Variants in ASAP2 observed in about 807,000 individuals in gnomAD.
The protein encoded by ASAP2 is ArfGAP with SH3 domain, ankyrin repeat and PH domain 2, also known as arf-GAP with SH3 domain, ANK repeat and PH domain-containing protein 2.
In ASAP2, 45 loss-of-function variants were observed where a neutral mutation model predicts 131.4. The ratio of observed to expected loss-of-function variants is 0.34; its 90% CI spans 0.27 to 0.44. The LOEUF (loss-of-function observed/expected upper bound fraction) is 0.44. Ranked by LOEUF, ASAP2 falls within the 20% of genes least tolerant of loss-of-function variation. The pLI is 1.00. For missense variants in ASAP2, 1,011 were observed against 1,297.0 expected, an observed-to-expected ratio of 0.78 and a Z score of 3.39; for synonymous variants, 510 against 503.0, an observed-to-expected ratio of 1.01 and a Z score of -0.19.
intron 3 of ASAP2, among the ~76,000 whole-genome samples, chr2:9,302,232 G>T (rs1346984817): frequency 2.7e-5 from 4 of 148,314 alleles, no homozygotes; most frequent in Non-Finnish European, 5.9e-5. Flanking sequence ...GAGCGCAGTG[G>T]TGCAGTCTTG....
chr2:9,269,119 G>A (rs1666158550), intron 1 of ASAP2, among the ~76,000 whole-genome samples: 1 of 152,074 alleles, frequency 6.6e-6, no homozygotes, highest in Admixed American at 6.6e-5. Context: ...AAGGCGGTAT[G>A]TAGGTACTTA....
chr2:9,323,011 C>T (rs754109461), intron 5 of ASAP2, 110 bp from the exon 6 acceptor site: 118 of 1,336,118 alleles, frequency 8.8e-5, no homozygotes, highest in Non-Finnish European at 1.2e-4. Flanking sequence ...TGTGCTGAAA[C>T]GTGTGGTGAG....
At chr2:9,381,609 GC>G (rs1674848072) in intron 20 of ASAP2, among the ~76,000 whole-genome samples, 1 of 152,214 alleles carries the variant, frequency 6.6e-6, no homozygotes, top group South Asian at 2.1e-4. Context: ...GGTGGAGCAT[GC>G]CTGTAGCCCC....
chr2:9,270,785 A>ATTTTTTTTTTCTTTTTTTTTTTTTTTT (rs1666301780), intron 1 of ASAP2, among the ~76,000 whole-genome samples: 1 of 52,924 alleles, frequency 1.9e-5, no homozygotes, highest in Non-Finnish European at 3.5e-5. Context: ...AATTGTTTTC[A>ATTTTTTTTTTCTTTTTTTTTTTTTTTT]TTTTTTTTTT....
At chr2:9,385,136 G>T (rs926526911) in intron 20 of ASAP2, 109 bp from the exon 21 acceptor site, 7 of 735,130 alleles carry the variant, frequency 9.5e-6, no homozygotes, top group Non-Finnish European at 1.6e-5. Flanking sequence ...AGATTTCCAT[G>T]CATTTGCCTT....
chr2:9,385,200 C>G, intron 20 of ASAP2, 45 bp from the exon 21 acceptor site: 1 of 1,459,458 alleles, frequency 6.9e-7, no homozygotes, highest in East Asian at 2.3e-5. Context: ...AGATGCATGG[C>G]CGAGTGTATG....
At chr2:9,319,570 G>A (rs1670024732) in intron 4 of ASAP2, among the ~76,000 whole-genome samples, 1 of 152,258 alleles carries the variant, frequency 6.6e-6, no homozygotes, top group Non-Finnish European at 1.5e-5. Context: ...CTGCCAGGGT[G>A]CAGGAGGAGC....
chr2:9,376,272 C>T (rs960231606), intron 17 of ASAP2, among the ~76,000 whole-genome samples: 13 of 152,228 alleles, frequency 8.5e-5, no homozygotes, highest in Admixed American at 2.0e-4. Context: ...TGGGAAGCAC[C>T]TTCCTTTGCC....
At chr2:9,290,857 C>A (rs1046613494) in intron 2 of ASAP2, among the ~76,000 whole-genome samples, 1 of 152,176 alleles carries the variant, frequency 6.6e-6, no homozygotes, top group East Asian at 1.9e-4. Context: ...AATAAAATAA[C>A]ATCTAGAAAG....
chr2:9,213,766 T>C (rs560571313), intron 1 of ASAP2, among the ~76,000 whole-genome samples: 1 of 152,304 alleles, frequency 6.6e-6, no homozygotes, highest in East Asian at 1.9e-4. Context: ...CAAGCTCAGT[T>C]CATCCAAGCC....
At chr2:9,317,171 CCA>C (rs1454018581) in intron 3 of ASAP2, among the ~76,000 whole-genome samples, 7 of 121,916 alleles carry the variant, frequency 5.7e-5, no homozygotes, top group South Asian at 4.9e-4. Flanking sequence ...CACACTCTCA[CCA>C]CACTCAACAC....
chr2:9,289,164 C>G (rs1002427394), intron 2 of ASAP2, among the ~76,000 whole-genome samples: 1 of 152,214 alleles, frequency 6.6e-6, no homozygotes, highest in Non-Finnish European at 1.5e-5. Context: ...AGCCTTTTGG[C>G]TGCTCTCCGT....
intron 1 of ASAP2, among the ~76,000 whole-genome samples, chr2:9,251,502 G>A (rs941452830): frequency 2.0e-5 from 3 of 152,124 alleles, no homozygotes; most frequent in African/African-American, 2.4e-5. Flanking sequence ...GATGTCCGTC[G>A]GGTGGGTTTT....
chr2:9,393,444 C>T (rs372111874), intron 23 of ASAP2, 38 bp from the exon 24 acceptor site: 26 of 1,544,812 alleles, frequency 1.7e-5, no homozygotes, highest in Non-Finnish European at 2.3e-5. Flanking sequence ...GGAAGCCTGG[C>T]GGCTGACCCT....
intron 23 of ASAP2, 148 bp downstream of exon 23, chr2:9,391,344 C>G: frequency 1.7e-6 from 2 of 1,169,158 alleles, no homozygotes; most frequent in Non-Finnish European, 2.4e-6. Flanking sequence ...GTGCAGGGCT[C>G]TCAGCTCCCC....
chr2:9,375,091 G>A (rs1674291518), intron 17 of ASAP2, 147 bp downstream of exon 17: 1 of 488,276 alleles, frequency 2.0e-6, no homozygotes, highest in Non-Finnish European at 3.3e-6. Context: ...GCACCATAGG[G>A]AGGCCCCATC....
Position 9,271,991 on chromosome 2 carries a change from G to A in ASAP2, c.127-7326G>A, listed in dbSNP as rs531267466. On this transcript the variant is annotated intron_variant, in intron 1 of 27. Transcript: ENST00000281419. Reference sequence around the variant, plus strand: ...ACACTTAGATTGTTTCCAAATCTTGGCCATTGTGAACAGTGCTGCAGTAAA... The same window carrying A: ...ACACTTAGATTGTTTCCAAATCTTGACCATTGTGAACAGTGCTGCAGTAAA... Among the ~76,000 whole-genome samples the A allele has an allele frequency of 9.2e-5, 14 of 152,086 alleles. No individual in the cohort carries two copies. In the South Asian group the frequency reaches 2.5e-3, roughly 27 times the overall value.
intron 2 of ASAP2, among the ~76,000 whole-genome samples, chr2:9,293,386 T>C (rs1008553509): frequency 3.9e-5 from 6 of 152,212 alleles, no homozygotes; most frequent in African/African-American, 1.4e-4. Context: ...ATCTGGATCA[T>C]TAATGAGAAT....
At chr2:9,234,354 C>T (rs550745196) in intron 1 of ASAP2, among the ~76,000 whole-genome samples, 5 of 152,222 alleles carry the variant, frequency 3.3e-5, no homozygotes, top group African/African-American at 7.2e-5. Context: ...TGAGAAAACC[C>T]GGGGAGAACA....
Sources: allele counts gnomAD v4.1 joint callset (sites outside exome capture counted in the v4.1 genomes callset), GRCh38; gene constraint gnomAD v4.1.1; transcripts MANE v1.5; gene names NCBI Gene and HGNC (gene_info 2026-07-23, HGNC 2026-07-21).